Variants in RRAGA observed in about 807,000 individuals in gnomAD.
The protein encoded by RRAGA is ras-related GTP-binding protein A.
A neutral mutation model predicts 20.5 loss-of-function variants in RRAGA; 11 were observed. The ratio of observed to expected loss-of-function variants is 0.54; its 90% CI spans 0.34 to 0.89. The LOEUF (loss-of-function observed/expected upper bound fraction) is 0.89. RRAGA is among the 40% of genes least tolerant of loss of function. The pLI, the probability that RRAGA is intolerant of heterozygous loss-of-function variation, is 0.02. For synonymous variants in RRAGA, 184 were observed against 155.4 expected (o/e 1.18, Z -1.37); for missense variants, 214 against 400.7 (o/e 0.53, Z 3.98).
rs1836314031 is a variant in RRAGA, at chr9:19,049,672, G to A, written c.13G>A (p.Ala5Thr). The A allele has an allele frequency of 1.2e-6, 2 of 1,613,314 alleles. No homozygotes were observed. Among genetic ancestry groups the A allele is most frequent in the African/African-American group, 2.7e-5 (2 of 75,062 alleles). The change falls in exon 1 of 1, where the codon GCC becomes ACC. Residue 5 changes from alanine to threonine, a missense_variant. Ala to Thr is a moderately conservative substitution (Grantham distance 58, BLOSUM62 0). Coordinates refer to ENST00000380527, the MANE Select transcript of RRAGA (RefSeq NM_006570.5). The surrounding 1 kb of genome is among the most constrained non-coding windows in gnomAD (Gnocchi z 5.4). MPNT[A>T]MKKKVLLMGK... ...GCCCCGGCGGGTGATGCCAAATACA[G>A]CCATGAAGAAAAAGGTGCTGCTGAT...
rs761369101 is a variant in RRAGA at position 19,050,616 on chromosome 9, T to C, written c.*15T>C. The C allele has an allele frequency of 3.7e-6, 6 of 1,601,312 alleles. No homozygotes were observed. Among genetic ancestry groups the C allele is most frequent in the Admixed American group, 1.7e-5 (1 of 58,574 alleles). ...TTATGCGTTGAATATTGCCAAATGC[T>C]CTTTCTGAAAATGCTGAATTGCCTT... is the stretch of plus-strand genomic sequence containing the variant. On this transcript the variant is annotated 3_prime_UTR_variant, in exon 1 of 1. Coordinates refer to ENST00000380527, the MANE Select transcript of RRAGA (RefSeq NM_006570.5).
At position 19,049,848 on chromosome 9, in the gene RRAGA, T is replaced by C. The variant is rs573461472; in HGVS notation, c.189T>C (p.Cys63=). ...ACCTGGTGCTGAACCTGTGGGACTGTGGCGGTCAGGACACCTTCATGGAAA... is the reference window on the plus strand; with the variant it reads ...ACCTGGTGCTGAACCTGTGGGACTGCGGCGGTCAGGACACCTTCATGGAAA... The part of the protein sequence containing the change: ...LGNLVLNLWD[C]GGQDTFMENY... The change falls in exon 1 of 1, where the codon TGT becomes TGC. Residue 63 remains cysteine, a synonymous_variant. Coordinates refer to ENST00000380527, the MANE Select transcript of RRAGA (RefSeq NM_006570.5). This position sits in a 1 kb window ranked among gnomAD's most constrained non-coding sequence, Gnocchi z 5.4. The C allele has an allele frequency of 6.8e-6, 11 of 1,614,124 alleles. No individual in the cohort carries two copies. The South Asian group carries it at 9.9e-5, about 15-fold the overall frequency.
At position 19,050,349 on chromosome 9, in the gene RRAGA, G is replaced by C; in HGVS notation, c.690G>C (p.Lys230Asn). 1 of 1,614,174 alleles carries C rather than the reference G, an allele frequency of 6.2e-7. No individual in the cohort carries two copies. Among genetic ancestry groups the C allele is most frequent in the Non-Finnish European group, 8.5e-7 (1 of 1,180,034 alleles). Residue 230 changes from lysine (K) to asparagine (N), a missense_variant, in exon 1 of 1, where the codon AAG becomes AAC. Physicochemically the swap from Lys to Asn is moderately conservative, Grantham distance 94. Coordinates refer to ENST00000380527, the MANE Select transcript of RRAGA (RefSeq NM_006570.5). ...AGCGCGACGTCCACCGGTTTGAGAA[G>C]ATCAGCAACATCATCAAACAGTTCA... The part of the protein sequence containing the change: ...KEQRDVHRFE[K>N]ISNIIKQFKL...
In RRAGA at chr9:19,049,791, C is replaced by A; in HGVS notation, c.132C>A (p.Asp44Glu). The A allele has an allele frequency of 6.2e-7, 1 of 1,614,182 alleles. No homozygotes were observed. The highest frequency in any genetic ancestry group is 8.5e-7 in the Non-Finnish European group (1 of 1,180,032). The part of the protein sequence containing the change: ...RDTRRLGATI[D>E]VEHSHVRFLG... Reference sequence around the variant, plus strand: ...CCCGGCGCCTGGGGGCCACCATTGACGTGGAACACTCCCACGTCCGATTCC... The same window carrying A: ...CCCGGCGCCTGGGGGCCACCATTGAAGTGGAACACTCCCACGTCCGATTCC... Residue 44 changes from aspartate to glutamate, a missense_variant, in exon 1 of 1, where the codon GAC becomes GAA. Around this residue, in one of 4 missense-constraint regions of RRAGA, gnomAD observed 40 missense variants for 130.1 expected, o/e 0.31. Transcript: ENST00000380527. The surrounding 1 kb of genome is among the most constrained non-coding windows in gnomAD (Gnocchi z 5.4).
rs917928253 is a variant in RRAGA at position 19,049,506 on chromosome 9, C to T, written c.-154C>T. ...GCCAGCCCGTCCGCGGCCTCTCCAG[C>T]CCCGGGTTCGCGCTCTCGACTCTCC... On this transcript the variant is annotated 5_prime_UTR_variant, in exon 1 of 1. Coordinates refer to ENST00000380527, the MANE Select transcript of RRAGA (RefSeq NM_006570.5). The surrounding 1 kb of genome is among the most constrained non-coding windows in gnomAD (Gnocchi z 5.4). 4 of 596,494 alleles carry T rather than the reference C, an allele frequency of 6.7e-6. No homozygotes were observed. Among genetic ancestry groups the T allele is most frequent in the African/African-American group, 4.0e-5 (2 of 50,354 alleles). 37.0% of individuals were successfully genotyped at this position (596,494 alleles called of 1,614,324 possible).
rs888464591 is a variant in RRAGA at position 19,050,739 on chromosome 9, C to T, written c.*138C>T. On this transcript the variant is annotated 3_prime_UTR_variant, in exon 1 of 1. Coordinates refer to ENST00000380527, the MANE Select transcript of RRAGA (RefSeq NM_006570.5). ...CTTACTCCTTTCATCTTTCTCCCCG[C>T]TTCCCCAGTCTTTAAACATTGGACG... 9 of 793,134 alleles carry T rather than the reference C, an allele frequency of 1.1e-5. No homozygotes were observed. The highest frequency in any genetic ancestry group is 1.6e-5 in the Non-Finnish European group (8 of 498,240). 49.1% of individuals were successfully genotyped at this position (793,134 alleles called of 1,614,324 possible).
chr9:19,049,902 C>T lies in RRAGA; in HGVS notation c.243C>T (p.Ile81=), dbSNP rs753201941. Residue 81 remains isoleucine, a synonymous_variant, in exon 1 of 1, where the codon ATC becomes ATT. Coordinates refer to ENST00000380527, the MANE Select transcript of RRAGA (RefSeq NM_006570.5). The surrounding 1 kb of genome is among the most constrained non-coding windows in gnomAD (Gnocchi z 5.4). The stretch of plus-strand genomic sequence containing the variant: ...ACTTCACCAGCCAGCGAGACAATAT[C>T]TTCCGTAACGTGGAAGTTTTGATTT... ...ENYFTSQRDN[I]FRNVEVLIYV... is the part of the protein sequence containing the mutation. 22 of 1,614,014 alleles carry T rather than the reference C, an allele frequency of 1.4e-5. 1 individual carries two copies. The South Asian group carries it at 1.9e-4, about 14-fold the overall frequency.
Position 19,050,130 on chromosome 9 carries a change from T to A in RRAGA, c.471T>A (p.Cys157Ter). 1 of 1,614,078 alleles carries A rather than the reference T, an allele frequency of 6.2e-7. No homozygotes were observed. Among genetic ancestry groups the A allele is most frequent in the Non-Finnish European group, 8.5e-7 (1 of 1,180,004 alleles). ...GGCGTCTGTCTCGCCCGCTGGAGTG[T>A]GCTTGTTTTCGAACGTCCATCTGGG... ...DLRRLSRPLE[C>*]ACFRTSIWDE... The change falls in exon 1 of 1, where the codon TGT becomes TGA. Residue 157 changes from cysteine (C) to a stop codon, truncating the protein, a stop_gained. Coordinates refer to ENST00000380527, the MANE Select transcript of RRAGA (RefSeq NM_006570.5). LOFTEE classifies it high-confidence loss of function.
chr9:19,049,755 T>C lies in RRAGA; in HGVS notation c.96T>C (p.Ile32=), dbSNP rs766630577. Residue 32 remains isoleucine (I), a synonymous_variant, in exon 1 of 1, where the codon ATT becomes ATC. Transcript: ENST00000380527. The surrounding 1 kb of genome is among the most constrained non-coding windows in gnomAD (Gnocchi z 5.4). ...SMRSIIFANY[I]ARDTRRLGAT... is the part of the protein sequence containing the mutation. The stretch of plus-strand genomic sequence containing the variant: ...GGTCGATAATCTTCGCCAATTACAT[T>C]GCTCGCGACACCCGGCGCCTGGGGG... 1.2e-6 allele frequency: 2 copies of C among 1,614,046 alleles called. No individual in the cohort carries two copies. Among genetic ancestry groups the C allele is most frequent in the East Asian group, 2.2e-5 (1 of 44,870 alleles).
In RRAGA at chr9:19,050,538, C is replaced by T. The variant is rs755346910; in HGVS notation, c.879C>T (p.Ala293=). ...CCACTCTGATCAACATTCGCAATGC[C>T]CGGAAACACTTTGAGAAGCTGGAGA... The part of the protein sequence containing the change: ...SAATLINIRN[A]RKHFEKLERV... Residue 293 remains alanine (A), a synonymous_variant, in exon 1 of 1, where the codon GCC becomes GCT. Coordinates refer to ENST00000380527, the MANE Select transcript of RRAGA (RefSeq NM_006570.5). 2 of 1,614,192 alleles carry T rather than the reference C, an allele frequency of 1.2e-6. No homozygotes were observed. Among genetic ancestry groups the T allele is most frequent in the Non-Finnish European group, 1.7e-6 (2 of 1,180,050 alleles).
In RRAGA at chr9:19,050,953, C is replaced by T. The variant is rs1458593514; in HGVS notation, c.*352C>T. ...CAAAGACGGAATGTTACTATTTTAT[C>T]AGCAAGGTATTAAAATGCATTTATA... On this transcript the variant is annotated 3_prime_UTR_variant, in exon 1 of 1. Transcript: ENST00000380527. 9.6e-6 allele frequency: 2 copies of T among 208,896 alleles called. No individual in the cohort carries two copies. The highest frequency in any genetic ancestry group is 2.3e-5 in the African/African-American group (1 of 43,106). 12.9% of individuals were successfully genotyped at this position (208,896 alleles called of 1,614,324 possible). A position where few individuals can be genotyped will look rare whatever the true frequency, so the allele number is the denominator to read the frequency against.
At position 19,050,335 on chromosome 9, in the gene RRAGA, C is replaced by G. The variant is rs757956133; in HGVS notation, c.676C>G (p.His226Asp). The G allele has an allele frequency of 6.2e-7, 1 of 1,614,026 alleles. No individual in the cohort carries two copies. The highest frequency in any genetic ancestry group is 8.5e-7 in the Non-Finnish European group (1 of 1,180,040). ...HYQCKEQRDV[H>D]RFEKISNIIK... ...CCAGTGCAAAGAGCAGCGCGACGTC[C>G]ACCGGTTTGAGAAGATCAGCAACAT... Residue 226 changes from histidine (H) to aspartate (D), a missense_variant, in exon 1 of 1, where the codon CAC (histidine) becomes GAC (aspartate). His to Asp is a moderately conservative substitution (Grantham distance 81). Coordinates refer to ENST00000380527, the MANE Select transcript of RRAGA (RefSeq NM_006570.5).
chr9:19,049,459 G>T lies in RRAGA; in HGVS notation c.-201G>T, dbSNP rs1235110996. 2.2e-6 allele frequency: 1 copy of T among 457,194 alleles called. No homozygotes were observed. Among genetic ancestry groups the T allele is most frequent in the Non-Finnish European group, 3.8e-6 (1 of 261,312 alleles). The allele number at this position is 457,194 out of a possible 1,614,324, so 28.3% of individuals were successfully genotyped here. A position where few individuals can be genotyped will look rare whatever the true frequency, so the allele number is the denominator to read the frequency against. On this transcript the variant is annotated 5_prime_UTR_variant, in exon 1 of 1. Coordinates refer to ENST00000380527, the MANE Select transcript of RRAGA (RefSeq NM_006570.5). The surrounding 1 kb of genome is among the most constrained non-coding windows in gnomAD (Gnocchi z 5.4). ...CCGAGCCGTTGCCACTGACAGCCGC[G>T]GGCGCTCCCATCTGAGTAAGAGCCA...
rs914286805 is a variant in RRAGA, at chr9:19,049,489, G to A, written c.-171G>A. The A allele has an allele frequency of 4.0e-5, 22 of 544,832 alleles. No individual in the cohort carries two copies. The highest frequency in any genetic ancestry group is 3.1e-4 in the African/African-American group (15 of 49,120). The allele number at this position is 544,832 out of a possible 1,614,324, so 33.7% of individuals were successfully genotyped here. A position where few individuals can be genotyped will look rare whatever the true frequency, so the allele number is the denominator to read the frequency against. The stretch of plus-strand genomic sequence containing the variant: ...CTCCCATCTGAGTAAGAGCCAGCCC[G>A]TCCGCGGCCTCTCCAGCCCCGGGTT... On this transcript the variant is annotated 5_prime_UTR_variant, in exon 1 of 1. Transcript: ENST00000380527. This position sits in a 1 kb window ranked among gnomAD's most constrained non-coding sequence, Gnocchi z 5.4.
rs753045075 is a variant in RRAGA at position 19,050,634 on chromosome 9, A to G, written c.*33A>G. Reference sequence around the variant, plus strand: ...CAAATGCTCTTTCTGAAAATGCTGAATTGCCTTTTTTGTTTGCATCCTTTA... The same window carrying G: ...CAAATGCTCTTTCTGAAAATGCTGAGTTGCCTTTTTTGTTTGCATCCTTTA... On this transcript the variant is annotated 3_prime_UTR_variant, in exon 1 of 1. Coordinates refer to ENST00000380527, the MANE Select transcript of RRAGA (RefSeq NM_006570.5). 48 of 1,587,944 alleles carry G rather than the reference A, an allele frequency of 3.0e-5. 1 individual carries two copies. The South Asian group carries it at 4.2e-4, about 14-fold the overall frequency.
chr9:19,050,352 C>A lies in RRAGA; in HGVS notation c.693C>A (p.Ile231=), dbSNP rs1836324663. ...EQRDVHRFEK[I]SNIIKQFKLS... is the part of the protein sequence containing the mutation. ...GCGACGTCCACCGGTTTGAGAAGAT[C>A]AGCAACATCATCAAACAGTTCAAGC... The change falls in exon 1 of 1, where the codon ATC becomes ATA. Residue 231 remains isoleucine, a synonymous_variant. Coordinates refer to ENST00000380527, the MANE Select transcript of RRAGA (RefSeq NM_006570.5). The A allele has an allele frequency of 6.2e-7, 1 of 1,614,158 alleles. No individual in the cohort carries two copies.
chr9:19,050,442 T>G lies in RRAGA; in HGVS notation c.783T>G (p.Ala261=), dbSNP rs772317443. 6.2e-7 allele frequency: 1 copy of G among 1,614,146 alleles called. No homozygotes were observed. Among genetic ancestry groups the G allele is most frequent in the Admixed American group, 1.7e-5 (1 of 60,024 alleles). The part of the protein sequence containing the change: ...SMEVRNSNFA[A]FIDIFTSNTY... ...AAGTTAGGAATTCCAACTTCGCTGC[T>G]TTCATCGACATCTTCACCTCAAATA... The change falls in exon 1 of 1, where the codon GCT becomes GCG. Residue 261 remains alanine (A), a synonymous_variant. Coordinates refer to ENST00000380527, the MANE Select transcript of RRAGA (RefSeq NM_006570.5).
Position 19,050,419 on chromosome 9 carries a change from G to T in RRAGA, c.760G>T (p.Val254Phe), listed in dbSNP as rs374494840. 6.2e-7 allele frequency: 1 copy of T among 1,614,190 alleles called. No homozygotes were observed. The highest frequency in any genetic ancestry group is 8.5e-7 in the Non-Finnish European group (1 of 1,180,036). The part of the protein sequence containing the change: ...KLAASFQSME[V>F]RNSNFAAFID... ...GGCCGCTTCCTTCCAGAGCATGGAA[G>T]TTAGGAATTCCAACTTCGCTGCTTT... The change falls in exon 1 of 1, where the codon GTT becomes TTT. Residue 254 changes from valine (V) to phenylalanine (F), a missense_variant. Transcript: ENST00000380527.
At position 19,050,287 on chromosome 9, in the gene RRAGA, A is replaced by G; in HGVS notation, c.628A>G (p.Thr210Ala). Reference protein sequence around the residue: ...ADEVLLFERATFLVISHYQCK... With the variant: ...ADEVLLFERAAFLVISHYQCK... ...TGAAGTTCTGCTGTTCGAAAGAGCTACATTCTTGGTTATTTCCCACTACCA... is the reference window on the plus strand; with the variant it reads ...TGAAGTTCTGCTGTTCGAAAGAGCTGCATTCTTGGTTATTTCCCACTACCA... The change falls in exon 1 of 1, where the codon ACA (threonine) becomes GCA (alanine). Residue 210 changes from threonine (T) to alanine (A), a missense_variant. Around this residue, in one of 4 missense-constraint regions of RRAGA, gnomAD observed 88 missense variants for 169.9 expected, o/e 0.52. Coordinates refer to ENST00000380527, the MANE Select transcript of RRAGA (RefSeq NM_006570.5). 2 of 1,614,150 alleles carry G rather than the reference A, an allele frequency of 1.2e-6. No individual in the cohort carries two copies. The highest frequency in any genetic ancestry group is 1.7e-6 in the Non-Finnish European group (2 of 1,180,024).
Sources: allele counts gnomAD v4.1 joint callset, GRCh38; gene constraint gnomAD v4.1.1; regional missense constraint gnomAD v4.1.1; non-coding constraint Gnocchi (gnomAD v3.1); transcripts MANE v1.5; gene names NCBI Gene and HGNC (gene_info 2026-07-23, HGNC 2026-07-21).